The following GNAL variants were observed in gnomAD, a reference collection of about 807,000 sequenced individuals.
GNAL encodes the protein guanine nucleotide-binding protein G(olf) subunit alpha.
GNAL carries 18 observed loss-of-function variants against 55.1 expected under a neutral mutation model. The observed-to-expected ratio is 0.33, with a 90% CI of 0.23 to 0.48. The LOEUF (loss-of-function observed/expected upper bound fraction) is 0.48, where lower values mean the gene tolerates loss of function less well. Ranked by LOEUF, GNAL falls within the 20% of genes least tolerant of loss-of-function variation. The pLI is 0.99. For synonymous variants in GNAL, 253 were observed against 237.0 expected, an observed-to-expected ratio of 1.07 and a Z score of -0.62; for missense variants, 412 against 614.1, an observed-to-expected ratio of 0.67 and a Z score of 3.48.
chr18:11,873,502 C>G (rs188429928), intron 10 of GNAL, among the ~76,000 whole-genome samples: 1 of 152,366 alleles, frequency 6.6e-6, no homozygotes, highest in African/African-American at 2.4e-5. Flanking sequence ...AGCACCAGCT[C>G]TGCCTGTGGT....
intron 4 of GNAL, among the ~76,000 whole-genome samples, chr18:11,781,332 C>A (rs1376385854): frequency 6.6e-6 from 1 of 152,152 alleles, no homozygotes; most frequent in Non-Finnish European, 1.5e-5. Flanking sequence ...CCAGAAAGCC[C>A]AACCTTGGAT....
intron 4 of GNAL, among the ~76,000 whole-genome samples, chr18:11,795,601 A>G (rs1188622515): frequency 2.6e-5 from 4 of 152,224 alleles, no homozygotes; most frequent in Non-Finnish European, 5.9e-5. Flanking sequence ...TACTTAGTGT[A>G]AATGCCATTA....
At chr18:11,735,724 C>A (rs2143458538) in intron 1 of GNAL, among the ~76,000 whole-genome samples, 1 of 148,242 alleles carries the variant, frequency 6.7e-6, no homozygotes, top group South Asian at 2.1e-4. Context: ...CACTGCATTC[C>A]AGCCTGAGCC....
rs137925372 is a variant in GNAL, at chr18:11,780,926, G to T, written c.624+26981G>T. ...TCCAACCCTAGGAGTCCATTCGTAG[G>T]CAAGACTTAAGTCACACTGAAGTAT... On this transcript the variant is annotated intron_variant, in intron 4 of 11. Transcript: ENST00000334049. 3.6e-3 allele frequency among the ~76,000 whole-genome samples: 553 copies of T among 152,252 alleles called. 4 individuals are homozygous for T. The highest frequency in any genetic ancestry group is 0.013 in the African/African-American group (524 of 41,560).
rs1451779419 is a variant in GNAL, at chr18:11,859,050, G to T, written c.723-3345G>T. 4.6e-5 allele frequency among the ~76,000 whole-genome samples: 7 copies of T among 152,096 alleles called. No homozygotes were observed. In the East Asian group the frequency reaches 1.3e-3, roughly 29 times the overall value. On this transcript the variant is annotated intron_variant, in intron 5 of 11. Coordinates refer to ENST00000334049, the MANE Select transcript of GNAL (RefSeq NM_182978.4). ...CTACTTAGACTAGTTATTATCATCT[G>T]AATACATTCACCACCTACCTCCAAC...
At chr18:11,734,207 G>C (rs548297113) in intron 1 of GNAL, among the ~76,000 whole-genome samples, 16 of 149,476 alleles carry the variant, frequency 1.1e-4, no homozygotes, top group Non-Finnish European at 2.1e-4. Flanking sequence ...GCAGTGGCGC[G>C]ATCTCAGCTC....
chr18:11,794,866 A>G (rs1013414029), intron 4 of GNAL, among the ~76,000 whole-genome samples: 5 of 151,658 alleles, frequency 3.3e-5, no homozygotes, highest in Non-Finnish European at 7.4e-5. Flanking sequence ...TTTTTGAGAC[A>G]GAGTCTCGTT....
chr18:11,868,661 C>T lies in GNAL; in HGVS notation c.1029C>T (p.Asn343=), dbSNP rs2036320157. 2 of 1,597,412 alleles carry T rather than the reference C, an allele frequency of 1.3e-6. No individual in the cohort carries two copies. Among genetic ancestry groups the T allele is most frequent in the Admixed American group, 3.7e-5 (2 of 54,676 alleles). Residue 343 remains asparagine, a splice_region_variant and synonymous_variant, in exon 9 of 12, where the codon AAC becomes AAT. Coordinates refer to ENST00000334049, the MANE Select transcript of GNAL (RefSeq NM_182978.4). This position sits in a 1 kb window ranked among gnomAD's most constrained non-coding sequence, Gnocchi z 4.0. The part of the protein sequence containing the change: ...SLDLFESIWN[N]RWLRTISIIL... ...ATCTTTTTGAAAGCATCTGGAACAA[C>T]AGGTGACAAAAATAGCAAATTCAGT...
At chr18:11,702,231 A>C (rs933937127) in intron 1 of GNAL, 3 of 152,294 alleles carry the variant, frequency 2.0e-5, no homozygotes, top group African/African-American at 7.2e-5. Context: ...TAGGCCAGAC[A>C]CAGGAATCTG....
chr18:11,774,156 G>T (rs2033713860), intron 4 of GNAL, among the ~76,000 whole-genome samples: 1 of 152,186 alleles, frequency 6.6e-6, no homozygotes, highest in African/African-American at 2.4e-5. Flanking sequence ...TGTGTGTGCT[G>T]CCTTTTCAGA....
intron 10 of GNAL, among the ~76,000 whole-genome samples, chr18:11,876,396 G>A (rs1278829765): frequency 1.3e-5 from 2 of 152,014 alleles, no homozygotes; most frequent in Non-Finnish European, 2.9e-5. Context: ...CGGGGAGGTG[G>A]AGGTTGCAGT....
rs899502399 is a variant in GNAL at position 11,752,753 on chromosome 18, C to G, written c.377-100C>G. The G allele has an allele frequency of 4.3e-6, 5 of 1,154,848 alleles. No homozygotes were observed. Among genetic ancestry groups the G allele is most frequent in the Admixed American group, 1.8e-5 (1 of 54,648 alleles). 71.5% of individuals were successfully genotyped at this position (1,154,848 alleles called of 1,614,324 possible). A position where few individuals can be genotyped will look rare whatever the true frequency, so the allele number is the denominator to read the frequency against. On this transcript the variant is annotated intron_variant, in intron 1 of 11. Coordinates refer to ENST00000334049, the MANE Select transcript of GNAL (RefSeq NM_182978.4). The surrounding 1 kb of genome is among the most constrained non-coding windows in gnomAD (Gnocchi z 4.5). ...AGCCAGGAACCCGCGTGTAGGAAAT[C>G]CCCGTGCTGGGGGAGGAGGATTGCT... is the stretch of plus-strand genomic sequence containing the variant.
At chr18:11,793,912 A>G (rs59063193) in intron 4 of GNAL, among the ~76,000 whole-genome samples, 12,065 of 124,760 alleles carry the variant, frequency 0.097, 839 homozygotes, top group African/African-American at 0.25. Flanking sequence ...CCATCTCGGG[A>G]AAAAAAAAAA....
In GNAL at chr18:11,751,185, G is replaced by T. The variant is rs1176860433; in HGVS notation, c.377-1668G>T. Among the ~76,000 whole-genome samples the T allele has an allele frequency of 1.3e-5, 2 of 152,104 alleles. No homozygotes were observed. The highest frequency in any genetic ancestry group is 4.8e-5 in the African/African-American group (2 of 41,414). ...GGAACAGTGATTTCTCCACGCCCAC[G>T]GCTGGTGTCCACGACTTCGGCCCGG... On this transcript the variant is annotated intron_variant, in intron 1 of 11. Transcript: ENST00000334049. The surrounding 1 kb of genome is among the most constrained non-coding windows in gnomAD (Gnocchi z 4.5).
chr18:11,708,550 AGAGACACAAAGT>A (rs1379432744), intron 1 of GNAL, among the ~76,000 whole-genome samples: 1 of 152,258 alleles, frequency 6.6e-6, no homozygotes, highest in Non-Finnish European at 1.5e-5. Flanking sequence ...AACGTAATAC[AGAGACACAAAGT>A]GAGCACATGC....
At chr18:11,724,561 G>A (rs979740019) in intron 1 of GNAL, among the ~76,000 whole-genome samples, 1 of 152,184 alleles carries the variant, frequency 6.6e-6, no homozygotes, top group Non-Finnish European at 1.5e-5. Flanking sequence ...CGATCGTAGG[G>A]AACTTCCAGT....
chr18:11,699,297 C>T (rs912546998), intron 1 of GNAL, among the ~76,000 whole-genome samples: 7 of 152,058 alleles, frequency 4.6e-5, no homozygotes, highest in African/African-American at 1.7e-4. Flanking sequence ...TAGGTTCAAG[C>T]GATTCTCTTG....
chr18:11,885,188 G>A lies in GNAL; in HGVS notation c.*4053G>A. The A allele has an allele frequency of 1.9e-6, 1 of 534,722 alleles. No individual in the cohort carries two copies. The highest frequency in any genetic ancestry group is 2.8e-6 in the Non-Finnish European group (1 of 362,608). The allele number at this position is 534,722 out of a possible 1,614,324, so 33.1% of individuals were successfully genotyped here. A position where few individuals can be genotyped will look rare whatever the true frequency, so the allele number is the denominator to read the frequency against. On this transcript the variant is annotated 3_prime_UTR_variant, in exon 12 of 12. Coordinates refer to ENST00000334049, the MANE Select transcript of GNAL (RefSeq NM_182978.4). The stretch of plus-strand genomic sequence containing the variant: ...ACCTTTTTATGAAGTAAAAGAACCT[G>A]TCGTACCAGCATCATGAGCTGGATG...
chr18:11,709,611 GT>G (rs1383120736), intron 1 of GNAL, among the ~76,000 whole-genome samples: 2 of 151,968 alleles, frequency 1.3e-5, no homozygotes, highest in East Asian at 1.9e-4. Context: ...ATAGTTCATT[GT>G]TTGTATGTAA....
Sources: gnomAD v4.1 joint callset for allele counts (sites outside exome capture counted in the v4.1 genomes callset) on GRCh38, gnomAD v4.1.1 for gene constraint, Gnocchi (gnomAD v3.1) non-coding constraint, MANE v1.5 for transcripts, NCBI Gene and HGNC (gene_info 2026-07-23, HGNC 2026-07-21) for gene names.